NDUFS4: variants seen among roughly 807,000 people sequenced by gnomAD.
NDUFS4 encodes NADH:ubiquinone oxidoreductase subunit S4, also known as NADH dehydrogenase [ubiquinone] iron-sulfur protein 4, mitochondrial.
A neutral mutation model predicts 24.3 loss-of-function variants in NDUFS4; 28 were observed. The observed-to-expected ratio is 1.15, with a 90% CI of 0.85 to 1.58. NDUFS4 has a LOEUF of 1.58. Ranked by LOEUF, NDUFS4 falls within the 40% of genes most tolerant of loss-of-function variation. The pLI is 0.00. For synonymous variants in NDUFS4, 93 were observed against 69.7 expected (o/e 1.34, Z -1.67); for missense variants, 223 against 207.9 (o/e 1.07, Z -0.45).
At chr5:53,586,667 C>G (rs575294337) in intron 1 of NDUFS4, among the ~76,000 whole-genome samples, 90 of 152,190 alleles carry the variant, frequency 5.9e-4, no homozygotes, top group African/African-American at 2.1e-3. Flanking sequence ...GGACTACTTG[C>G]GTCCACCACC....
intron 1 of NDUFS4, among the ~76,000 whole-genome samples, chr5:53,592,238 C>T (rs539858806): frequency 7.9e-5 from 12 of 152,196 alleles, no homozygotes; most frequent in South Asian, 4.2e-4. Flanking sequence ...AGGTGTGAGC[C>T]GCTGCGCCCG....
At chr5:53,616,810 T>C (rs1750853173) in intron 2 of NDUFS4, among the ~76,000 whole-genome samples, 1 of 152,196 alleles carries the variant, frequency 6.6e-6, no homozygotes, top group South Asian at 2.1e-4. Context: ...ACTAAGCTAT[T>C]ATGGTTAAGG....
intron 1 of NDUFS4, among the ~76,000 whole-genome samples, chr5:53,592,028 T>TC (rs1181237049): frequency 1.3e-5 from 2 of 152,008 alleles, no homozygotes; most frequent in Non-Finnish European, 2.9e-5. Flanking sequence ...AACCTCTGCC[T>TC]CCCAGGTTCA....
intron 4 of NDUFS4, among the ~76,000 whole-genome samples, chr5:53,671,703 G>T (rs961700134): frequency 1.2e-4 from 19 of 152,154 alleles, no homozygotes; most frequent in Non-Finnish European, 2.4e-4. Context: ...TAGAAGGATG[G>T]GGGGTGGAGG....
chr5:53,605,875 G>A (rs778994218), intron 2 of NDUFS4, among the ~76,000 whole-genome samples: 1 of 152,110 alleles, frequency 6.6e-6, no homozygotes, highest in African/African-American at 2.4e-5. Flanking sequence ...TTTGCTGGGC[G>A]TGGCGGTGTG....
intron 3 of NDUFS4, among the ~76,000 whole-genome samples, chr5:53,651,166 G>A (rs1752006723): frequency 1.3e-5 from 2 of 151,910 alleles, no homozygotes; most frequent in South Asian, 4.1e-4. Context: ...TTAACAACCA[G>A]TAGCATGAAA....
In NDUFS4 at chr5:53,658,624, GGT is replaced by G; in HGVS notation, c.424+1_424+2del. The G allele has an allele frequency of 6.2e-7, 1 of 1,606,462 alleles. No homozygotes were observed. The highest frequency in any genetic ancestry group is 8.5e-7 in the Non-Finnish European group (1 of 1,175,212). Reference sequence around the variant, plus strand: ...TGCAGTTTCCTTTGCAGAAAAAAATGGTATGTTTGGTCTGTTTTTGACAAAGT... The same window carrying G: ...TGCAGTTTCCTTTGCAGAAAAAAATGATGTTTGGTCTGTTTTTGACAAAGT... On this transcript the variant is annotated splice_donor_variant, in intron 4 of 4. Coordinates refer to ENST00000296684, the MANE Select transcript of NDUFS4 (RefSeq NM_002495.4). LOFTEE classifies it high-confidence loss of function.
At chr5:53,619,501 A>C (rs1462556422) in intron 2 of NDUFS4, among the ~76,000 whole-genome samples, 1 of 150,442 alleles carries the variant, frequency 6.6e-6, no homozygotes, top group Non-Finnish European at 1.5e-5. Flanking sequence ...AAAAAAAAAA[A>C]AAAAAAACAC....
intron 1 of NDUFS4, among the ~76,000 whole-genome samples, chr5:53,601,777 G>A (rs567233041): frequency 2.6e-4 from 40 of 152,258 alleles, no homozygotes; most frequent in African/African-American, 9.6e-4. Context: ...CCTTTGTCTA[G>A]TGTATCCAGG....
chr5:53,614,921 TTA>T (rs1423571619), intron 2 of NDUFS4, among the ~76,000 whole-genome samples: 2 of 151,998 alleles, frequency 1.3e-5, no homozygotes, highest in African/African-American at 4.8e-5. Context: ...GAGTACTCAT[TTA>T]TATCTGAAAA....
At chr5:53,668,202 T>A (rs759224476) in intron 4 of NDUFS4, among the ~76,000 whole-genome samples, 20 of 152,228 alleles carry the variant, frequency 1.3e-4, no homozygotes, top group Admixed American at 5.9e-4. Context: ...TTATTTGATT[T>A]GTATATCAAT....
chr5:53,622,838 T>G (rs1751092271), intron 2 of NDUFS4, among the ~76,000 whole-genome samples: 1 of 152,208 alleles, frequency 6.6e-6, no homozygotes, highest in Non-Finnish European at 1.5e-5. Flanking sequence ...CCGGAGCTTT[T>G]TCATCATCCC....
At chr5:53,665,914 C>T (rs897637547) in intron 4 of NDUFS4, among the ~76,000 whole-genome samples, 4 of 152,198 alleles carry the variant, frequency 2.6e-5, no homozygotes, top group Admixed American at 6.5e-5. Context: ...TCTTCTGCGT[C>T]GCTTACGCTG....
chr5:53,604,785 C>T (rs1021938335), intron 2 of NDUFS4: 1 of 456,134 alleles, frequency 2.2e-6, no homozygotes, highest in African/African-American at 2.0e-5. Context: ...CTGGAACTTG[C>T]TACTCTTTTT....
intron 2 of NDUFS4, among the ~76,000 whole-genome samples, chr5:53,615,626 T>C (rs1750817499): frequency 6.6e-6 from 1 of 152,050 alleles, no homozygotes; most frequent in African/African-American, 2.4e-5. Context: ...CAAAACTGCT[T>C]CTTTATAAGG....
chr5:53,682,005 T>TAATC (rs1409181304), intron 4 of NDUFS4, among the ~76,000 whole-genome samples: 6 of 152,038 alleles, frequency 3.9e-5, no homozygotes, highest in African/African-American at 9.7e-5. Context: ...ATATAATAAA[T>TAATC]AATCACATTT....
intron 4 of NDUFS4, among the ~76,000 whole-genome samples, chr5:53,681,684 A>ATGTT (rs1338492942): frequency 6.6e-6 from 1 of 152,058 alleles, no homozygotes; most frequent in Non-Finnish European, 1.5e-5. Flanking sequence ...CTGGATTCTG[A>ATGTT]TGTTTCATTT....
At chr5:53,599,986 A>G (rs895466024) in intron 1 of NDUFS4, among the ~76,000 whole-genome samples, 1 of 151,936 alleles carries the variant, frequency 6.6e-6, no homozygotes, top group Middle Eastern at 3.4e-3. Context: ...TATAATTTTT[A>G]TTTATTTATT....
At chr5:53,621,572 G>A (rs1751032646) in intron 2 of NDUFS4, among the ~76,000 whole-genome samples, 2 of 149,970 alleles carry the variant, frequency 1.3e-5, no homozygotes, top group Non-Finnish European at 2.9e-5. Flanking sequence ...AACTAATAAT[G>A]TATTACTTCA....
Sources: allele counts gnomAD v4.1 joint callset (sites outside exome capture counted in the v4.1 genomes callset), GRCh38; gene constraint gnomAD v4.1.1; transcripts MANE v1.5; gene names NCBI Gene and HGNC (gene_info 2026-07-23, HGNC 2026-07-21).